Variants in PIP5K1A observed in about 807,000 individuals in gnomAD.
The protein encoded by PIP5K1A is phosphatidylinositol 4-phosphate 5-kinase type-1 alpha.
A neutral mutation model predicts 72.9 loss-of-function variants in PIP5K1A; 46 were observed. That is an observed-to-expected ratio of 0.63 (90% confidence interval 0.50 to 0.81). The LOEUF (loss-of-function observed/expected upper bound fraction) is 0.81, where lower values mean the gene tolerates loss of function less well. Among genes scored for constraint, PIP5K1A ranks in the 30% least tolerant of loss-of-function variants. The probability of loss-of-function intolerance (pLI) is 0.00; values close to 1 mark genes in which losing one functional copy is unlikely to be tolerated. For missense variants in PIP5K1A, 458 were observed against 706.1 expected (o/e 0.65, Z 3.98); for synonymous variants, 228 against 255.1 (o/e 0.89, Z 1.01).
intron 11 of PIP5K1A, among the ~76,000 whole-genome samples, chr1:151,239,720 G>A (rs1009206426): frequency 5.3e-5 from 8 of 152,136 alleles, no homozygotes; most frequent in African/African-American, 1.9e-4. Flanking sequence ...TAGAGATGAG[G>A]TTTTGCCATG....
At chr1:151,227,118 T>C in intron 3 of PIP5K1A, 1 of 446,374 alleles carries the variant, frequency 2.2e-6, no homozygotes, top group Non-Finnish European at 4.0e-6. Context: ...GGAGTTTTCT[T>C]CTGTGATCTT....
chr1:151,234,577 G>A (rs1690581965), intron 8 of PIP5K1A, 81 bp downstream of exon 8: 1 of 1,108,040 alleles, frequency 9.0e-7, no homozygotes, highest in East Asian at 2.4e-5. Context: ...TGTGGGAGAT[G>A]GAACTCTGTT....
intron 1 of PIP5K1A, among the ~76,000 whole-genome samples, chr1:151,209,938 C>T (rs1352464377): frequency 6.6e-6 from 1 of 151,816 alleles, no homozygotes; most frequent in Non-Finnish European, 1.5e-5. Context: ...GATTGATGTG[C>T]AGTGGTGCAA....
chr1:151,227,323 C>T lies in PIP5K1A; in HGVS notation c.160C>T (p.Pro54Ser). The T allele has an allele frequency of 6.2e-7, 1 of 1,602,836 alleles. No individual in the cohort carries two copies. The highest frequency in any genetic ancestry group is 1.1e-5 in the South Asian group (1 of 90,796). ...ARQDSYISLVPYASGMPIKKI... is the reference protein window; with the variant it reads ...ARQDSYISLVSYASGMPIKKI... ...ATAATCTTGACTCTTCTTCTAGGTG[C>T]CTTATGCCTCTGGCATGCCCATCAA... The change falls in exon 4 of 16, where the codon CCT becomes TCT. Residue 54 changes from proline (P) to serine (S), a missense_variant. By Grantham distance (74) the Pro-to-Ser change is moderately conservative. Around this residue, in one of 3 missense-constraint regions of PIP5K1A, gnomAD observed 81 missense variants for 88.0 expected, o/e 0.92. Coordinates refer to ENST00000368888, the MANE Select transcript of PIP5K1A (RefSeq NM_001135638.2).
At chr1:151,236,465 T>C in intron 8 of PIP5K1A, 93 bp from the exon 9 acceptor site, 1 of 809,360 alleles carries the variant, frequency 1.2e-6, no homozygotes, top group South Asian at 1.7e-5. Context: ...TACAGATTGA[T>C]ACCCTTTCTC....
chr1:151,225,627 G>T (rs1689008545), intron 3 of PIP5K1A, among the ~76,000 whole-genome samples: 1 of 151,642 alleles, frequency 6.6e-6, no homozygotes, highest in Admixed American at 6.6e-5. Context: ...ACGCCACCAT[G>T]CCCGCCTAAT....
intron 14 of PIP5K1A, among the ~76,000 whole-genome samples, chr1:151,244,936 CTTTT>C (rs971449862): frequency 7.6e-6 from 1 of 131,108 alleles, no homozygotes; most frequent in Non-Finnish European, 1.7e-5. Context: ...GCTCAAAAGC[CTTTT>C]TTTTTTTTTT....
intron 1 of PIP5K1A, among the ~76,000 whole-genome samples, chr1:151,206,644 C>T (rs913765002): frequency 6.6e-6 from 1 of 152,140 alleles, no homozygotes; most frequent in African/African-American, 2.4e-5. Context: ...CAGCTCTCTG[C>T]AACCTCCACC....
chr1:151,201,376 G>A (rs1685194500), intron 1 of PIP5K1A, among the ~76,000 whole-genome samples: 1 of 151,454 alleles, frequency 6.6e-6, no homozygotes, highest in South Asian at 2.1e-4. Context: ...TTGAGACAGA[G>A]TATCATTCTG....
intron 11 of PIP5K1A, 116 bp downstream of exon 11, chr1:151,239,294 A>G: frequency 3.2e-6 from 2 of 618,772 alleles, no homozygotes; most frequent in Non-Finnish European, 5.5e-6. Context: ...TTTTTTTGAG[A>G]CAGGGTCTCA....
intron 1 of PIP5K1A, among the ~76,000 whole-genome samples, chr1:151,204,664 T>A (rs931503063): frequency 1.3e-5 from 2 of 152,236 alleles, no homozygotes; most frequent in Non-Finnish European, 2.9e-5. Context: ...TTTTGGTTGA[T>A]ATTTTATAAA....
rs755742958 is a variant in PIP5K1A, at chr1:151,224,456, A to G, written c.156+50A>G. The G allele has an allele frequency of 4.0e-6, 5 of 1,250,552 alleles. No individual in the cohort carries two copies. In the South Asian group the frequency reaches 6.2e-5, roughly 15 times the overall value. 77.5% of individuals were successfully genotyped at this position (1,250,552 alleles called of 1,614,324 possible). On this transcript the variant is annotated intron_variant, in intron 3 of 15. Coordinates refer to ENST00000368888, the MANE Select transcript of PIP5K1A (RefSeq NM_001135638.2). ...TCTTTTATTGTAGTTTATTTTAAAT[A>G]TTAACAATATCTCACATTTATTGAG...
At chr1:151,196,303 A>G (rs919135596), upstream of PIP5K1A, among the ~76,000 whole-genome samples, 1 of 152,170 alleles carries the variant, frequency 6.6e-6, no homozygotes, top group Non-Finnish European at 1.5e-5. Context: ...AATACCTATG[A>G]GCCAAATCCT....
chr1:151,236,503 G>A lies in PIP5K1A; in HGVS notation c.940-55G>A, dbSNP rs1570968799. Reference sequence around the variant, plus strand: ...AAAAACAAAAAAATTGTGAGATCCTGAAAAATATTTTTATTTCTTCCAAGG... The same window carrying A: ...AAAAACAAAAAAATTGTGAGATCCTAAAAAATATTTTTATTTCTTCCAAGG... On this transcript the variant is annotated intron_variant, in intron 8 of 15. Coordinates refer to ENST00000368888, the MANE Select transcript of PIP5K1A (RefSeq NM_001135638.2). 2.9e-6 allele frequency: 4 copies of A among 1,371,560 alleles called. No individual in the cohort carries two copies. The East Asian group carries it at 6.9e-5, about 24-fold the overall frequency. The allele number at this position is 1,371,560 out of a possible 1,614,324, so 85.0% of individuals were successfully genotyped here. A position where few individuals can be genotyped will look rare whatever the true frequency, so the allele number is the denominator to read the frequency against.
chr1:151,224,172 G>T (rs1406260016), intron 1 of PIP5K1A, 73 bp from the exon 2 acceptor site: 1 of 1,337,894 alleles, frequency 7.5e-7, no homozygotes, highest in Non-Finnish European at 1.1e-6. Context: ...CTCAAACTCT[G>T]ATGGTTTCAG....
intron 1 of PIP5K1A, 61 bp from the exon 2 acceptor site, chr1:151,224,184 A>G: frequency 7.0e-7 from 1 of 1,434,930 alleles, no homozygotes; most frequent in Non-Finnish European, 9.8e-7. Flanking sequence ...TGGTTTCAGT[A>G]TGCTTGACAG....
rs1261413270 is a variant in PIP5K1A at position 151,228,031 on chromosome 1, G to A, written c.237+631G>A. Among the ~76,000 whole-genome samples, 5 of 152,150 alleles carry A rather than the reference G, an allele frequency of 3.3e-5. No homozygotes were observed. In the South Asian group the frequency reaches 6.2e-4, roughly 19 times the overall value. On this transcript the variant is annotated intron_variant, in intron 4 of 15. Transcript: ENST00000368888. Reference sequence around the variant, plus strand: ...CTTACCACAGGGAACCATGTCTCTCGCAGTCTTTCTGTCTTTTTGTCCATT... The same window carrying A: ...CTTACCACAGGGAACCATGTCTCTCACAGTCTTTCTGTCTTTTTGTCCATT...
upstream of PIP5K1A, among the ~76,000 whole-genome samples, chr1:151,196,750 G>A (rs1205093506): frequency 1.3e-5 from 2 of 151,670 alleles, no homozygotes; most frequent in Non-Finnish European, 2.9e-5. Flanking sequence ...TAGTAGAGAC[G>A]GCGTTTCTCC....
Position 151,198,851 on chromosome 1 carries a change from G to A in PIP5K1A, c.-146G>A. 6 of 750,276 alleles carry A rather than the reference G, an allele frequency of 8.0e-6. No individual in the cohort carries two copies. The highest frequency in any genetic ancestry group is 1.7e-5 in the African/African-American group (1 of 57,792). The allele number at this position is 750,276 out of a possible 1,614,324, so 46.5% of individuals were successfully genotyped here. A position where few individuals can be genotyped will look rare whatever the true frequency, so the allele number is the denominator to read the frequency against. On this transcript the variant is annotated 5_prime_UTR_variant, in exon 1 of 16. In the 5' UTR this introduces an upstream ATG that the reference lacks. Coordinates refer to ENST00000368888, the MANE Select transcript of PIP5K1A (RefSeq NM_001135638.2). ...GAGCTGGTCCAGGAGCCGGCTCGAC[G>A]TGTCTGAGGGAGGCCCCGGAGGGGG...
Sources: allele counts gnomAD v4.1 joint callset (sites outside exome capture counted in the v4.1 genomes callset), GRCh38; gene constraint gnomAD v4.1.1; regional missense constraint gnomAD v4.1.1; transcripts MANE v1.5; gene names NCBI Gene and HGNC (gene_info 2026-07-23, HGNC 2026-07-21).